RAB11FIP3: variants seen among roughly 807,000 people sequenced by gnomAD.
RAB11FIP3 encodes RAB11 family interacting protein 3.
A neutral mutation model predicts 77.8 loss-of-function variants in RAB11FIP3; 17 were observed. The observed-to-expected ratio is 0.22, with a 90% CI of 0.15 to 0.33. The LOEUF is 0.33. Ranked by LOEUF, RAB11FIP3 falls within the 10% of genes least tolerant of loss-of-function variation. RAB11FIP3 has a pLI of 1.00. For missense variants in RAB11FIP3, 1,005 were observed against 1,011.2 expected, an observed-to-expected ratio of 0.99 and a Z score of 0.08; for synonymous variants, 437 against 448.2, an observed-to-expected ratio of 0.98 and a Z score of 0.31.
At chr16:485,248 G>A (rs1050053082) in intron 4 of RAB11FIP3, among the ~76,000 whole-genome samples, 2 of 152,068 alleles carry the variant, frequency 1.3e-5, no homozygotes, top group Non-Finnish European at 2.9e-5. Flanking sequence ...AACAGGCTGC[G>A]CAGGATTGGC....
rs563463441 is a variant in RAB11FIP3 at position 469,060 on chromosome 16, T to TTTATTA, written c.809-2217_809-2212dup. On this transcript the variant is annotated intron_variant, in intron 2 of 13. Coordinates refer to ENST00000262305, the MANE Select transcript of RAB11FIP3 (RefSeq NM_014700.4). ...TTTTAAAATGTAATTTAATTTTTAA[T>TTTATTA]TTATTATTATTATTATTATTATTTT... Among the ~76,000 whole-genome samples the TTTATTA allele has an allele frequency of 5.3e-5, 8 of 151,562 alleles. No individual in the cohort carries two copies. The East Asian group carries it at 7.7e-4, about 15-fold the overall frequency.
At chr16:520,005 G>A (rs1004112027) in intron 11 of RAB11FIP3, 114 bp downstream of exon 11, 3 of 1,519,752 alleles carry the variant, frequency 2.0e-6, no homozygotes, top group East Asian at 2.5e-5. Context: ...AGCCGCTGGT[G>A]TGTGTCGTCC....
At chr16:475,656 C>T (rs554041623) in intron 3 of RAB11FIP3, among the ~76,000 whole-genome samples, 2 of 152,272 alleles carry the variant, frequency 1.3e-5, no homozygotes, top group East Asian at 1.9e-4. Flanking sequence ...CTGTCTGGAA[C>T]CCCCAGGGCA....
intron 1 of RAB11FIP3, among the ~76,000 whole-genome samples, chr16:428,038 T>C (rs2054979751): frequency 6.6e-6 from 1 of 151,812 alleles, no homozygotes; most frequent in Non-Finnish European, 1.5e-5. Context: ...GAGGCGGAGC[T>C]TGCAGTGAGC....
chr16:499,580 G>A (rs1272487361), intron 6 of RAB11FIP3, among the ~76,000 whole-genome samples: 4 of 152,082 alleles, frequency 2.6e-5, no homozygotes, highest in Admixed American at 2.0e-4. Context: ...GGTGGATCAC[G>A]AGGTCAGGAG....
intron 1 of RAB11FIP3, among the ~76,000 whole-genome samples, chr16:443,690 C>T (rs917157747): frequency 1.8e-4 from 27 of 152,078 alleles, no homozygotes; most frequent in Admixed American, 1.1e-3. Context: ...CTCAGCCTCC[C>T]GAATAGCTGG....
chr16:461,536 G>C lies in RAB11FIP3; in HGVS notation c.808+39G>C. The C allele has an allele frequency of 1.9e-6, 3 of 1,551,144 alleles. No individual in the cohort carries two copies. Among genetic ancestry groups the C allele is most frequent in the South Asian group, 2.2e-5 (2 of 89,428 alleles). ...GCCATGAGCTCCCACCTCCTCTCCC[G>C]TTCCTCAGCCACCCTCTCAGCCACC... On this transcript the variant is annotated intron_variant, in intron 2 of 13. Coordinates refer to ENST00000262305, the MANE Select transcript of RAB11FIP3 (RefSeq NM_014700.4). This position sits in a 1 kb window ranked among gnomAD's most constrained non-coding sequence, Gnocchi z 4.5.
chr16:484,508 C>T (rs1448193502), intron 4 of RAB11FIP3, among the ~76,000 whole-genome samples: 2 of 152,154 alleles, frequency 1.3e-5, no homozygotes, highest in Non-Finnish European at 2.9e-5. Flanking sequence ...CCCGCCACCA[C>T]GCCCGGCTAA....
At chr16:486,929 T>C (rs1295907286) in intron 4 of RAB11FIP3, among the ~76,000 whole-genome samples, 1 of 152,198 alleles carries the variant, frequency 6.6e-6, no homozygotes, top group African/African-American at 2.4e-5. Flanking sequence ...TCTGAGCCTG[T>C]TGGTAAAACA....
chr16:503,407 C>T (rs941898943), intron 7 of RAB11FIP3, among the ~76,000 whole-genome samples: 2 of 152,174 alleles, frequency 1.3e-5, no homozygotes, highest in African/African-American at 2.4e-5. Context: ...GGCTGGGGGA[C>T]ACCCAGACAT....
At chr16:459,345 C>T (rs971508574) in intron 1 of RAB11FIP3, among the ~76,000 whole-genome samples, 5 of 151,228 alleles carry the variant, frequency 3.3e-5, no homozygotes, top group African/African-American at 4.9e-5. Flanking sequence ...AGGCTGGTCT[C>T]GAACTCCGGA....
At chr16:500,762 C>T (rs2031463740) in intron 6 of RAB11FIP3, among the ~76,000 whole-genome samples, 1 of 149,992 alleles carries the variant, frequency 6.7e-6, no homozygotes, top group Non-Finnish European at 1.5e-5. Context: ...ATGCTGAGGA[C>T]CCTCTGCCTC....
intron 5 of RAB11FIP3, among the ~76,000 whole-genome samples, chr16:492,977 G>C (rs979468377): frequency 1.3e-5 from 2 of 152,152 alleles, no homozygotes; most frequent in Admixed American, 6.6e-5. Flanking sequence ...GCCAGGCGCA[G>C]TGACTCACGC....
chr16:478,314 C>T (rs2055963362), intron 3 of RAB11FIP3, among the ~76,000 whole-genome samples: 1 of 151,992 alleles, frequency 6.6e-6, no homozygotes, highest in African/African-American at 2.4e-5. Flanking sequence ...TGTCTCAGCC[C>T]CCCGAGTAGC....
chr16:458,579 C>T (rs8059086), intron 1 of RAB11FIP3, among the ~76,000 whole-genome samples: 1,440 of 38,062 alleles, frequency 0.038, 12 homozygotes, highest in Middle Eastern at 0.062. Context: ...TCACCGATGC[C>T]CACAGGGCCT....
intron 4 of RAB11FIP3, among the ~76,000 whole-genome samples, chr16:487,929 G>GGC: frequency 6.6e-6 from 1 of 152,320 alleles, no homozygotes; most frequent in African/African-American, 2.4e-5. Context: ...CTAGGGAAGA[G>GGC]GCAGAGGTGC....
At chr16:516,680 C>T (rs1245791953) in intron 9 of RAB11FIP3, among the ~76,000 whole-genome samples, 1 of 151,400 alleles carries the variant, frequency 6.6e-6, no homozygotes. Flanking sequence ...AGTTCCAGAC[C>T]AGCCTGGCCA....
At chr16:480,734 G>C (rs2056023202) in intron 3 of RAB11FIP3, among the ~76,000 whole-genome samples, 1 of 151,962 alleles carries the variant, frequency 6.6e-6, no homozygotes, top group South Asian at 2.1e-4. Flanking sequence ...TCCTGACCTT[G>C]TGATCTGCCT....
At chr16:429,743 C>T (rs1286091510) in intron 1 of RAB11FIP3, among the ~76,000 whole-genome samples, 8 of 152,130 alleles carry the variant, frequency 5.3e-5, no homozygotes, top group Admixed American at 5.2e-4. Flanking sequence ...GGTGATCCAC[C>T]CGCCTCGGCC....
Sources: gnomAD v4.1 joint callset for allele counts (sites outside exome capture counted in the v4.1 genomes callset) on GRCh38, gnomAD v4.1.1 for gene constraint, Gnocchi (gnomAD v3.1) non-coding constraint, MANE v1.5 for transcripts, NCBI Gene and HGNC (gene_info 2026-07-23, HGNC 2026-07-21) for gene names.